Variants in PRKAG2 observed in about 807,000 individuals in gnomAD.
The protein encoded by PRKAG2 is protein kinase AMP-activated non-catalytic subunit gamma 2, also known as 5'-AMP-activated protein kinase subunit gamma-2.
A neutral mutation model predicts 69.6 loss-of-function variants in PRKAG2; 26 were observed. The ratio of observed to expected loss-of-function variants is 0.37; its 90% confidence interval spans 0.27 to 0.52. PRKAG2 has a LOEUF of 0.52. Among genes scored for constraint, PRKAG2 ranks in the 20% least tolerant of loss-of-function variants. PRKAG2 has a pLI of 0.90. For missense variants in PRKAG2, 557 were observed against 740.0 expected (o/e 0.75, Z 2.87); for synonymous variants, 293 against 285.0 (o/e 1.03, Z -0.28).
chr7:151,586,320 G>C (rs1811656740), intron 6 of PRKAG2, among the ~76,000 whole-genome samples: 1 of 145,656 alleles, frequency 6.9e-6, no homozygotes, highest in Non-Finnish European at 1.5e-5. Context: ...AAAGGCAGGT[G>C]AATCTCCTGT....
chr7:151,835,796 G>C lies in PRKAG2; in HGVS notation c.114+40711C>G, dbSNP rs1232009646. Among the ~76,000 whole-genome samples, 2 of 152,232 alleles carry C rather than the reference G, an allele frequency of 1.3e-5. No homozygotes were observed. The highest frequency in any genetic ancestry group is 2.9e-5 in the Non-Finnish European group (2 of 68,036). ...CCCGGGGGCTCTCGTGGGCAGCCTGGTGATGCCAGGAGGAAGGGCCCACTG... is the reference window on the plus strand; with the variant it reads ...CCCGGGGGCTCTCGTGGGCAGCCTGCTGATGCCAGGAGGAAGGGCCCACTG... On this transcript the variant is annotated intron_variant, in intron 1 of 15. Coordinates refer to ENST00000287878, the MANE Select transcript of PRKAG2 (RefSeq NM_016203.4). The surrounding 1 kb of genome is among the most constrained non-coding windows in gnomAD (Gnocchi z 4.1).
At chr7:151,580,872 A>G (rs2151066426) in intron 6 of PRKAG2, among the ~76,000 whole-genome samples, 1 of 152,272 alleles carries the variant, frequency 6.6e-6, no homozygotes. Context: ...TAGAATGAAT[A>G]CGGTCTAGTA....
intron 1 of PRKAG2, among the ~76,000 whole-genome samples, chr7:151,793,388 G>A (rs373725076): frequency 1.4e-3 from 215 of 152,250 alleles, no homozygotes; most frequent in African/African-American, 5.0e-3. Flanking sequence ...GTCTTGATAC[G>A]CTTCTTAGGT....
intron 1 of PRKAG2, chr7:151,810,884 G>A (rs1334806092): frequency 6.5e-6 from 1 of 153,700 alleles, no homozygotes; most frequent in Non-Finnish European, 1.5e-5. Flanking sequence ...AGGGGGAGAG[G>A]TGCACGGGGC....
intron 3 of PRKAG2, chr7:151,736,222 G>A: frequency 7.2e-7 from 1 of 1,390,796 alleles, no homozygotes; most frequent in Non-Finnish European, 9.3e-7. Flanking sequence ...GAGGCGCCAG[G>A]GAGTGGAGCC....
chr7:151,663,774 T>C (rs1295921566), intron 4 of PRKAG2, among the ~76,000 whole-genome samples: 1 of 152,240 alleles, frequency 6.6e-6, no homozygotes, highest in Non-Finnish European at 1.5e-5. Flanking sequence ...AAAGCACTAC[T>C]GTTTGTCCCT....
At chr7:151,812,919 C>G (rs2078493895) in intron 1 of PRKAG2, among the ~76,000 whole-genome samples, 1 of 124,486 alleles carries the variant, frequency 8.0e-6, no homozygotes, top group Non-Finnish European at 1.6e-5. Context: ...CTCTCAAGGC[C>G]TACTACTGCT....
At chr7:151,698,173 G>A (rs1837016982) in intron 3 of PRKAG2, among the ~76,000 whole-genome samples, 2 of 152,140 alleles carry the variant, frequency 1.3e-5, no homozygotes, top group Admixed American at 6.5e-5. Context: ...CGGGAGGAGC[G>A]CCGCCAGCTT....
rs545063718 is a variant in PRKAG2 at position 151,689,321 on chromosome 7, C to A, written c.467-13684G>T. ...GGCTCCCTCTGATCATCCAGGCTCACGGCTCTGGATGAGGCACAGGTGGGA... is the reference window on the plus strand; with the variant it reads ...GGCTCCCTCTGATCATCCAGGCTCAAGGCTCTGGATGAGGCACAGGTGGGA... On this transcript the variant is annotated intron_variant, in intron 3 of 15. Coordinates refer to ENST00000287878, the MANE Select transcript of PRKAG2 (RefSeq NM_016203.4). Among the ~76,000 whole-genome samples the A allele has an allele frequency of 3.6e-4, 55 of 152,300 alleles. No individual in the cohort carries two copies. In the South Asian group the frequency reaches 0.011, roughly 31 times the overall value.
intron 3 of PRKAG2, among the ~76,000 whole-genome samples, chr7:151,726,944 G>C (rs1023012701): frequency 2.6e-5 from 4 of 152,134 alleles, no homozygotes; most frequent in African/African-American, 9.7e-5. Flanking sequence ...GGCTGGGCGC[G>C]GTGGCTCACA....
In PRKAG2 at chr7:151,777,491, A is replaced by G. The variant is rs2076433310; in HGVS notation, c.466+3661T>C. 6.6e-6 allele frequency among the ~76,000 whole-genome samples: 1 copy of G among 152,138 alleles called. No homozygotes were observed. Among genetic ancestry groups the G allele is most frequent in the Non-Finnish European group, 1.5e-5 (1 of 68,010 alleles). ...CTGCGGCAGTGAGTCCTGCTCTCTT[A>G]GCTGGGTGCTTTAAAGACTCCAGTA... On this transcript the variant is annotated intron_variant, in intron 3 of 15. Transcript: ENST00000287878. This position sits in a 1 kb window ranked among gnomAD's most constrained non-coding sequence, Gnocchi z 4.3.
chr7:151,786,613 G>T, intron 1 of PRKAG2, 72 bp from the exon 2 acceptor site: 2 of 1,229,122 alleles, frequency 1.6e-6, no homozygotes, highest in Non-Finnish European at 2.4e-6. Context: ...AACTCTACGT[G>T]GGTGTCACCT....
chr7:151,582,749 T>G (rs1406682395), intron 6 of PRKAG2, among the ~76,000 whole-genome samples: 1 of 152,186 alleles, frequency 6.6e-6, no homozygotes, highest in East Asian at 1.9e-4. Context: ...GCTCACTTCG[T>G]TTTTCTGATG....
Position 151,850,081 on chromosome 7 carries a change from C to G in PRKAG2, c.114+26426G>C, listed in dbSNP as rs1169722923. Among the ~76,000 whole-genome samples the G allele has an allele frequency of 6.6e-6, 1 of 152,138 alleles. No individual in the cohort carries two copies. Among genetic ancestry groups the G allele is most frequent in the African/African-American group, 2.4e-5 (1 of 41,434 alleles). On this transcript the variant is annotated intron_variant, in intron 1 of 15. Transcript: ENST00000287878. The surrounding 1 kb of genome is among the most constrained non-coding windows in gnomAD (Gnocchi z 4.1). ...GGGGGAGCGAGACACACCAGGGAGG[C>G]TGAGAACCCACACCGCCTAAACCGA...
intron 1 of PRKAG2, among the ~76,000 whole-genome samples, chr7:151,791,869 G>A (rs2077285805): frequency 6.6e-6 from 1 of 152,198 alleles, no homozygotes; most frequent in African/African-American, 2.4e-5. Flanking sequence ...TCTCCCAACT[G>A]TTGCCTCATT....
chr7:151,760,953 T>G (rs868624), intron 3 of PRKAG2, among the ~76,000 whole-genome samples: 1 of 152,030 alleles, frequency 6.6e-6, no homozygotes, highest in East Asian at 1.9e-4. Flanking sequence ...AAAAAATAAC[T>G]GAAAGGAGGC....
intron 5 of PRKAG2, among the ~76,000 whole-genome samples, chr7:151,598,120 T>C (rs944894893): frequency 6.6e-6 from 1 of 152,160 alleles, no homozygotes; most frequent in Non-Finnish European, 1.5e-5. Flanking sequence ...GGAGTACTAT[T>C]CAACCATAAA....
chr7:151,776,352 G>GT (rs1423743300), intron 3 of PRKAG2, among the ~76,000 whole-genome samples: 1 of 152,216 alleles, frequency 6.6e-6, no homozygotes, highest in Non-Finnish European at 1.5e-5. Context: ...TAACCGGGCT[G>GT]TAACAGGCTC....
chr7:151,713,359 C>T (rs980219778), intron 3 of PRKAG2, among the ~76,000 whole-genome samples: 6 of 152,080 alleles, frequency 3.9e-5, no homozygotes, highest in Admixed American at 2.0e-4. Context: ...TGCTGTAGGA[C>T]GCACCCCGGC....
Sources: allele counts gnomAD v4.1 joint callset (sites outside exome capture counted in the v4.1 genomes callset), GRCh38; gene constraint gnomAD v4.1.1; non-coding constraint Gnocchi (gnomAD v3.1); transcripts MANE v1.5; gene names NCBI Gene and HGNC (gene_info 2026-07-23, HGNC 2026-07-21).